DLC1: variants seen among roughly 807,000 people sequenced by gnomAD.
The protein encoded by DLC1 is rho GTPase-activating protein 7.
Under a neutral mutation model 140.3 loss-of-function variants are expected in DLC1, and 54 were observed. The ratio of observed to expected loss-of-function variants is 0.38; its 90% CI spans 0.31 to 0.48. The LOEUF is 0.48. Among genes scored for constraint, DLC1 ranks in the 20% least tolerant of loss-of-function variants. The pLI is 0.96. For missense variants in DLC1, 2,536 were observed against 1,907.0 expected, an observed-to-expected ratio of 1.33 and a Z score of -6.14; for synonymous variants, 986 against 728.1, an observed-to-expected ratio of 1.35 and a Z score of -5.70.
intron 1 of DLC1, among the ~76,000 whole-genome samples, chr8:13,576,600 G>C (rs1295903813): frequency 3.9e-5 from 6 of 152,126 alleles, no homozygotes; most frequent in African/African-American, 1.2e-4. Context: ...GAAGTCTTCA[G>C]CTTACCCAAT....
intron 7 of DLC1, among the ~76,000 whole-genome samples, chr8:13,103,124 C>T (rs893275687): frequency 8.6e-5 from 13 of 151,780 alleles, no homozygotes; most frequent in African/African-American, 3.1e-4. Flanking sequence ...TCCTGGCTAA[C>T]ACGGTGAAAC....
chr8:13,197,578 C>T (rs185667925), intron 5 of DLC1, among the ~76,000 whole-genome samples: 130 of 152,042 alleles, frequency 8.6e-4, no homozygotes, highest in African/African-American at 2.5e-3. Flanking sequence ...GATCTCCTGA[C>T]GTTGTGATCC....
chr8:13,586,675 G>A lies in DLC1; in HGVS notation c.-126+17862C>T, dbSNP rs113965879. Reference sequence around the variant, plus strand: ...AGAAATAATACAGAGAGACCCAACGGTACCCTTCTCTAGTTTTTTGAAAGG... The same window carrying A: ...AGAAATAATACAGAGAGACCCAACGATACCCTTCTCTAGTTTTTTGAAAGG... On this transcript the variant is annotated intron_variant, in intron 1 of 1. Coordinates refer to the DLC1 transcript ENST00000631382. 3.0e-3 allele frequency among the ~76,000 whole-genome samples: 453 copies of A among 148,750 alleles called. 2 individuals are homozygous for A. Among genetic ancestry groups the A allele is most frequent in the Non-Finnish European group, 5.1e-3 (341 of 67,178 alleles).
At chr8:13,103,876 A>G (rs1819325922) in intron 7 of DLC1, among the ~76,000 whole-genome samples, 2 of 150,402 alleles carry the variant, frequency 1.3e-5, no homozygotes, top group East Asian at 3.9e-4. Context: ...AAGAAAAGAA[A>G]AGTTTGTGAT....
At chr8:13,197,083 T>G (rs1827106502) in intron 5 of DLC1, among the ~76,000 whole-genome samples, 1 of 152,214 alleles carries the variant, frequency 6.6e-6, no homozygotes, top group Non-Finnish European at 1.5e-5. Flanking sequence ...TTTGTCTATT[T>G]CATACGTTTT....
At chr8:13,598,558 A>C (rs1805757847) in intron 1 of DLC1, among the ~76,000 whole-genome samples, 1 of 152,120 alleles carries the variant, frequency 6.6e-6, no homozygotes, top group Non-Finnish European at 1.5e-5. Context: ...TCTTGAAAAC[A>C]TGGTAAAATT....
chr8:13,603,400 A>T (rs1288053895), intron 1 of DLC1, among the ~76,000 whole-genome samples: 1 of 150,732 alleles, frequency 6.6e-6, no homozygotes, highest in Non-Finnish European at 1.5e-5. Context: ...TTTTACTTTA[A>T]TTTTTTTTTA....
chr8:13,234,069 A>G (rs1220269092), intron 5 of DLC1, among the ~76,000 whole-genome samples: 7 of 152,156 alleles, frequency 4.6e-5, no homozygotes, highest in Admixed American at 1.3e-4. Flanking sequence ...CTTGTTGACT[A>G]TGGAGGCTAT....
At chr8:13,443,883 C>T (rs957753415) in intron 2 of DLC1, among the ~76,000 whole-genome samples, 1 of 152,030 alleles carries the variant, frequency 6.6e-6, no homozygotes, top group Non-Finnish European at 1.5e-5. Flanking sequence ...ACATGTTTGG[C>T]GTTTCTCCCT....
intron 5 of DLC1, among the ~76,000 whole-genome samples, chr8:13,198,450 C>T (rs533903150): frequency 2.6e-5 from 4 of 152,218 alleles, no homozygotes; most frequent in Non-Finnish European, 4.4e-5. Context: ...ACAGTTTTCC[C>T]GAGTGAAAGA....
chr8:13,525,306 C>T lies in DLC1; in HGVS notation c.-125-25110G>A, dbSNP rs770252793. Among the ~76,000 whole-genome samples the T allele has an allele frequency of 4.1e-4, 63 of 152,296 alleles. 1 individual carries two copies. The Middle Eastern group carries it at 0.014, about 33-fold the overall frequency. On this transcript the variant is annotated intron_variant, in intron 1 of 1. Coordinates refer to the DLC1 transcript ENST00000631382. ...TACAAATCAAGCTGCTATGAATATTCATGTGCAAGTCATTGTATGTATACA... is the reference window on the plus strand; with the variant it reads ...TACAAATCAAGCTGCTATGAATATTTATGTGCAAGTCATTGTATGTATACA...
At chr8:13,544,197 AACACACACACACACAC>A (rs3988455) in intron 1 of DLC1, among the ~76,000 whole-genome samples, 79 of 144,870 alleles carry the variant, frequency 5.5e-4, no homozygotes, top group Non-Finnish European at 9.7e-4. Flanking sequence ...CACACACACA[AACACACACACACACAC>A]ACACACACAC....
At chr8:13,594,404 G>T (rs968845109) in intron 1 of DLC1, among the ~76,000 whole-genome samples, 1 of 151,904 alleles carries the variant, frequency 6.6e-6, no homozygotes, top group Non-Finnish European at 1.5e-5. Flanking sequence ...ATTGATTTTT[G>T]TGAGGCAACG....
chr8:13,398,569 A>G (rs1200730609), intron 3 of DLC1, among the ~76,000 whole-genome samples: 1 of 150,574 alleles, frequency 6.6e-6, no homozygotes, highest in Non-Finnish European at 1.5e-5. Flanking sequence ...GCCCTAGAAC[A>G]TAGAGCTGGG....
intron 4 of DLC1, among the ~76,000 whole-genome samples, chr8:13,332,371 C>G (rs1833625554): frequency 6.6e-6 from 1 of 151,904 alleles, no homozygotes; most frequent in South Asian, 2.1e-4. Context: ...CCAGAGCACA[C>G]ATAGCATACC....
chr8:13,538,750 G>A (rs1352924236), intron 1 of DLC1, among the ~76,000 whole-genome samples: 1 of 152,150 alleles, frequency 6.6e-6, no homozygotes, highest in Non-Finnish European at 1.5e-5. Flanking sequence ...GGTAATAAGT[G>A]GTAGAAGCAG....
At chr8:13,148,795 C>A (rs28647790) in intron 5 of DLC1, among the ~76,000 whole-genome samples, 23,286 of 151,906 alleles carry the variant, frequency 0.15, 1,923 homozygotes, top group Non-Finnish European at 0.17. Flanking sequence ...ATAATTTTTT[C>A]TTTTTTATTT....
intron 5 of DLC1, among the ~76,000 whole-genome samples, chr8:13,180,663 C>A (rs1176814603): frequency 2.6e-5 from 4 of 151,872 alleles, no homozygotes; most frequent in African/African-American, 9.7e-5. Flanking sequence ...CATATGAACA[C>A]CCACTTCAAC....
chr8:13,517,946 CTTTCAGGTA>C (rs1464526454), upstream of DLC1, among the ~76,000 whole-genome samples: 21 of 152,254 alleles, frequency 1.4e-4, no homozygotes, highest in South Asian at 4.1e-3. Context: ...TTACATCTCT[CTTTCAGGTA>C]TTTTTAGAAT....
Sources: gnomAD v4.1 joint callset for allele counts (sites outside exome capture counted in the v4.1 genomes callset) on GRCh38, gnomAD v4.1.1 for gene constraint, MANE v1.5 for transcripts, NCBI Gene and HGNC (gene_info 2026-07-23, HGNC 2026-07-21) for gene names.